The following NKIRAS1 variants were observed in gnomAD, a reference collection of about 807,000 sequenced individuals.
The protein encoded by NKIRAS1 is NFKB inhibitor interacting Ras like 1, also known as NF-kappa-B inhibitor-interacting Ras-like protein 1.
Under a neutral mutation model 19.8 loss-of-function variants are expected in NKIRAS1, and 16 were observed. The observed-to-expected ratio is 0.81, with a 90% CI of 0.55 to 1.23. NKIRAS1 has a LOEUF of 1.23. Among genes scored for constraint, NKIRAS1 ranks in the 50% most tolerant of loss-of-function variants. NKIRAS1 has a pLI of 0.00. For missense variants in NKIRAS1, 184 were observed against 220.0 expected (o/e 0.84, Z 1.04); for synonymous variants, 88 against 79.0 (o/e 1.11, Z -0.61).
chr3:23,944,414 A>G (rs145412587), intron 1 of NKIRAS1, among the ~76,000 whole-genome samples: 5 of 152,268 alleles, frequency 3.3e-5, no homozygotes, highest in African/African-American at 9.6e-5. Context: ...CATATCATCT[A>G]TTCATGCCTC....
intron 1 of NKIRAS1, among the ~76,000 whole-genome samples, chr3:23,940,287 A>G (rs150619702): frequency 2.6e-4 from 39 of 152,152 alleles, no homozygotes; most frequent in African/African-American, 7.0e-4. Context: ...TGAAGCTGTA[A>G]TAAGTTATAT....
At chr3:23,913,652 TA>T (rs1224088214) in intron 1 of NKIRAS1, among the ~76,000 whole-genome samples, 1 of 152,196 alleles carries the variant, frequency 6.6e-6, no homozygotes, top group Non-Finnish European at 1.5e-5. Flanking sequence ...GATTTACAAA[TA>T]AAAACTACTA....
intron 4 of NKIRAS1, among the ~76,000 whole-genome samples, chr3:23,898,293 A>G (rs1702180502): frequency 6.6e-6 from 1 of 152,232 alleles, no homozygotes; most frequent in African/African-American, 2.4e-5. Context: ...CCTACAACAG[A>G]TAAATGGTTA....
chr3:23,901,077 T>C, intron 3 of NKIRAS1, 28 bp from the exon 4 acceptor site: 1 of 1,610,690 alleles, frequency 6.2e-7, no homozygotes, highest in Non-Finnish European at 8.5e-7. Flanking sequence ...AATTACTCTT[T>C]TTGGCTAAGT....
chr3:23,946,095 C>A (rs1461403798), intron 1 of NKIRAS1: 1 of 984,632 alleles, frequency 1.0e-6, no homozygotes, highest in South Asian at 4.7e-5. Context: ...CTTTGGAAGC[C>A]TCGGGGCAGT....
chr3:23,896,357 G>A (rs926449419), intron 4 of NKIRAS1, among the ~76,000 whole-genome samples: 2 of 152,084 alleles, frequency 1.3e-5, no homozygotes, highest in African/African-American at 4.8e-5. Flanking sequence ...GCTAATGCCT[G>A]TAATCCCAGC....
intron 4 of NKIRAS1, among the ~76,000 whole-genome samples, chr3:23,900,281 G>A (rs1235222588): frequency 6.6e-6 from 1 of 152,100 alleles, no homozygotes; most frequent in East Asian, 1.9e-4. Context: ...CAAGCAAAAG[G>A]CAGAAAGTCA....
intron 4 of NKIRAS1, among the ~76,000 whole-genome samples, chr3:23,894,335 C>A (rs1402685585): frequency 2.6e-5 from 4 of 152,210 alleles, no homozygotes; most frequent in African/African-American, 4.8e-5. Context: ...CTCATCAGAT[C>A]TTGGAACCAC....
In NKIRAS1 at chr3:23,935,523, G is replaced by A. The variant is rs143516015; in HGVS notation, c.-140+10800C>T. Reference sequence around the variant, plus strand: ...CTCTACCACTAACACTTAGGCTCAAGTAATCCTCCAACCTCAGCATCCCAA... The same window carrying A: ...CTCTACCACTAACACTTAGGCTCAAATAATCCTCCAACCTCAGCATCCCAA... On this transcript the variant is annotated intron_variant, in intron 1 of 4. Coordinates refer to the NKIRAS1 transcript ENST00000421515. 1.2e-3 allele frequency among the ~76,000 whole-genome samples: 179 copies of A among 152,212 alleles called. 1 individual carries two copies. The highest frequency in any genetic ancestry group is 3.9e-3 in the African/African-American group (163 of 41,544).
upstream of NKIRAS1, chr3:23,920,553 T>C (rs769068739): frequency 2.8e-4 from 271 of 985,260 alleles, no homozygotes; most frequent in Non-Finnish European, 3.2e-4. Context: ...ACTAGACTAC[T>C]GTTGTCCAGG....
chr3:23,921,471 C>G (rs1705076443), upstream of NKIRAS1: 2 of 626,314 alleles, frequency 3.2e-6, no homozygotes, highest in Non-Finnish European at 5.6e-6. Context: ...TATTAAGGGT[C>G]ACTTTATTAG....
At chr3:23,898,737 C>T (rs574275994) in intron 4 of NKIRAS1, among the ~76,000 whole-genome samples, 1 of 152,156 alleles carries the variant, frequency 6.6e-6, no homozygotes, top group African/African-American at 2.4e-5. Flanking sequence ...AATCACTGCA[C>T]CTGGCCTGTA....
chr3:23,905,450 G>C (rs548575616), intron 3 of NKIRAS1, among the ~76,000 whole-genome samples: 3 of 152,178 alleles, frequency 2.0e-5, no homozygotes, highest in South Asian at 4.1e-4. Flanking sequence ...TTTTGACCTA[G>C]AGTTCCATAC....
chr3:23,925,363 G>C (rs1321242026), intron 1 of NKIRAS1, among the ~76,000 whole-genome samples: 1 of 152,158 alleles, frequency 6.6e-6, no homozygotes, highest in Non-Finnish European at 1.5e-5. Context: ...ACTGGGCTTG[G>C]TGGCTCACAC....
chr3:23,894,892 C>T (rs1434902276), intron 4 of NKIRAS1, among the ~76,000 whole-genome samples: 5 of 152,192 alleles, frequency 3.3e-5, no homozygotes, highest in Admixed American at 6.5e-5. Context: ...AACCTGCTCT[C>T]GCCGTTACTC....
chr3:23,928,607 C>T (rs916989346), intron 1 of NKIRAS1, among the ~76,000 whole-genome samples: 1 of 148,598 alleles, frequency 6.7e-6, no homozygotes, highest in Non-Finnish European at 1.5e-5. Context: ...TTTTTCATTA[C>T]TGAAGTGCTT....
upstream of NKIRAS1, chr3:23,917,916 G>A: frequency 6.2e-7 from 1 of 1,613,672 alleles, no homozygotes; most frequent in South Asian, 1.1e-5. Context: ...CTGATGTCAT[G>A]CGCTTTCTTC....
At chr3:23,929,402 T>G (rs754512622) in intron 1 of NKIRAS1, among the ~76,000 whole-genome samples, 6 of 152,046 alleles carry the variant, frequency 3.9e-5, no homozygotes, top group Non-Finnish European at 8.8e-5. Flanking sequence ...AAACCATGTT[T>G]TGGACTACCT....
chr3:23,946,511 A>G (rs79447376), exon 1 of NKIRAS1: 25,445 of 158,914 alleles, frequency 0.16, 2,329 homozygotes, highest in Non-Finnish European at 0.2. Context: ...TACAAAAAAA[A>G]CCGTTTGCTC....
Sources: gnomAD v4.1 joint callset for allele counts (sites outside exome capture counted in the v4.1 genomes callset) on GRCh38, gnomAD v4.1.1 for gene constraint, MANE v1.5 for transcripts, NCBI Gene and HGNC (gene_info 2026-07-23, HGNC 2026-07-21) for gene names.